The following CSNK1D variants were observed in gnomAD, a reference collection of about 807,000 sequenced individuals.
The protein encoded by CSNK1D is casein kinase I isoform delta.
Under a neutral mutation model 46.6 loss-of-function variants are expected in CSNK1D, and 16 were observed. The observed-to-expected ratio is 0.34, with a 90% CI of 0.23 to 0.52. The LOEUF (loss-of-function observed/expected upper bound fraction) is 0.52, where lower values mean the gene tolerates loss of function less well. CSNK1D is among the 20% of genes least tolerant of loss of function. The pLI, the probability that CSNK1D is intolerant of heterozygous loss-of-function variation, is 0.95. For missense variants in CSNK1D, 398 were observed against 578.4 expected (o/e 0.69, Z 3.20); for synonymous variants, 276 against 228.2 (o/e 1.21, Z -1.89).
intron 8 of CSNK1D, chr17:82,245,333 C>T (rs1015680825): frequency 1.5e-5 from 4 of 266,296 alleles, no homozygotes; most frequent in East Asian, 9.7e-5. Context: ...ACAGCGTGGA[C>T]GCCGGCCATG....
chr17:82,270,015 T>G (rs1293831338), intron 1 of CSNK1D, among the ~76,000 whole-genome samples: 1 of 152,178 alleles, frequency 6.6e-6, no homozygotes, highest in Non-Finnish European at 1.5e-5. Flanking sequence ...CGGGGCCAGG[T>G]CACACAACAG....
At chr17:82,253,569 G>C (rs1009946883) in intron 3 of CSNK1D, 22 of 384,122 alleles carry the variant, frequency 5.7e-5, no homozygotes, top group South Asian at 4.2e-4. Context: ...CTACACACCA[G>C]GATTAGCAGA....
Position 82,250,578 on chromosome 17 carries a change from T to A in CSNK1D, c.885+801A>T. 2 of 215,334 alleles carry A rather than the reference T, an allele frequency of 9.3e-6. No individual in the cohort carries two copies. Among genetic ancestry groups the A allele is most frequent in the Non-Finnish European group, 1.9e-5 (2 of 103,042 alleles). The allele number at this position is 215,334 out of a possible 1,614,324, so 13.3% of individuals were successfully genotyped here. On this transcript the variant is annotated intron_variant, in intron 6 of 8. Coordinates refer to ENST00000314028, the MANE Select transcript of CSNK1D (RefSeq NM_001893.6). The surrounding 1 kb of genome is among the most constrained non-coding windows in gnomAD (Gnocchi z 4.6). ...CCATCTCTCCGGGGCCTCCAAGTAC[T>A]CCCCACGCTGATGGGCACTTGGCAA...
At position 82,252,918 on chromosome 17, in the gene CSNK1D, G is replaced by C. The variant is rs1421785867; in HGVS notation, c.565+98C>G. 8.8e-7 allele frequency: 1 copy of C among 1,135,504 alleles called. No individual in the cohort carries two copies. Among genetic ancestry groups the C allele is most frequent in the African/African-American group, 1.5e-5 (1 of 65,326 alleles). The allele number at this position is 1,135,504 out of a possible 1,614,324, so 70.3% of individuals were successfully genotyped here. A position where few individuals can be genotyped will look rare whatever the true frequency, so the allele number is the denominator to read the frequency against. On this transcript the variant is annotated intron_variant, in intron 4 of 8. Coordinates refer to ENST00000314028, the MANE Select transcript of CSNK1D (RefSeq NM_001893.6). The surrounding 1 kb of genome is among the most constrained non-coding windows in gnomAD (Gnocchi z 4.6). ...GCCGCAAAGGTCTGATGACACGCTT[G>C]CAGCCCCAGCTCCCCGAGAGGCTGG...
chr17:82,248,014 GA>G lies in CSNK1D; in HGVS notation c.1197+860del, dbSNP rs775352799. 2.1e-5 allele frequency: 21 copies of G among 985,390 alleles called. No homozygotes were observed. Among genetic ancestry groups the G allele is most frequent in the Non-Finnish European group, 2.4e-5 (20 of 829,954 alleles). 61.0% of individuals were successfully genotyped at this position (985,390 alleles called of 1,614,324 possible). ...GGCAGCAGGCCTGGCTCCATCCTGT[GA>G]TCCCAACAAACACCTCCCCACAAGC... On this transcript the variant is annotated intron_variant, in intron 8 of 8. Coordinates refer to ENST00000314028, the MANE Select transcript of CSNK1D (RefSeq NM_001893.6). The surrounding 1 kb of genome is among the most constrained non-coding windows in gnomAD (Gnocchi z 4.1).
Position 82,248,035 on chromosome 17 carries a change from AC to A in CSNK1D, c.1197+839del. 1.0e-6 allele frequency: 1 copy of A among 985,258 alleles called. No homozygotes were observed. The highest frequency in any genetic ancestry group is 1.2e-6 in the Non-Finnish European group (1 of 829,916). 61.0% of individuals were successfully genotyped at this position (985,258 alleles called of 1,614,324 possible). A position where few individuals can be genotyped will look rare whatever the true frequency, so the allele number is the denominator to read the frequency against. On this transcript the variant is annotated intron_variant, in intron 8 of 8. Transcript: ENST00000314028. The surrounding 1 kb of genome is among the most constrained non-coding windows in gnomAD (Gnocchi z 4.1). ...CTGTGATCCCAACAAACACCTCCCCACAAGCCCAGAGCCAGGCTCCAGGGCA... is the reference window on the plus strand; with the variant it reads ...CTGTGATCCCAACAAACACCTCCCCAAAGCCCAGAGCCAGGCTCCAGGGCA...
At chr17:82,267,710 C>G (rs142330738) in intron 1 of CSNK1D, among the ~76,000 whole-genome samples, 1 of 152,344 alleles carries the variant, frequency 6.6e-6, no homozygotes, top group Non-Finnish European at 1.5e-5. Context: ...GACCTGGACT[C>G]TGAACTCAAC....
Position 82,250,476 on chromosome 17 carries a change from G to A in CSNK1D, c.886-874C>T, listed in dbSNP as rs935836878. On this transcript the variant is annotated intron_variant, in intron 6 of 8. Coordinates refer to ENST00000314028, the MANE Select transcript of CSNK1D (RefSeq NM_001893.6). This position sits in a 1 kb window ranked among gnomAD's most constrained non-coding sequence, Gnocchi z 4.6. ...ATTCCTCCCGAGGCAGCACAGCCCC[G>A]GCAGAGGGACTGATCTGCCCTGCCG... 8 of 322,646 alleles carry A rather than the reference G, an allele frequency of 2.5e-5. No homozygotes were observed. The highest frequency in any genetic ancestry group is 9.4e-5 in the South Asian group (4 of 42,604). 20.0% of individuals were successfully genotyped at this position (322,646 alleles called of 1,614,324 possible).
At chr17:82,266,226 C>G (rs986698600) in intron 1 of CSNK1D, among the ~76,000 whole-genome samples, 1 of 152,198 alleles carries the variant, frequency 6.6e-6, no homozygotes, top group African/African-American at 2.4e-5. Context: ...TTTGAGTTTC[C>G]CCCTGAGGAA....
Position 82,247,619 on chromosome 17 carries a change from C to T in CSNK1D, c.1197+1256G>A, listed in dbSNP as rs1044559122. Reference sequence around the variant, plus strand: ...ACACGAGGGCACGGGCAGACCCTCCCGGGAACTGCTCACAGGAACTGATGC... The same window carrying T: ...ACACGAGGGCACGGGCAGACCCTCCTGGGAACTGCTCACAGGAACTGATGC... On this transcript the variant is annotated intron_variant, in intron 8 of 8. Transcript: ENST00000314028. 18 of 985,302 alleles carry T rather than the reference C, an allele frequency of 1.8e-5. No homozygotes were observed. In the African/African-American group the frequency reaches 2.1e-4, roughly 11 times the overall value. The allele number at this position is 985,302 out of a possible 1,614,324, so 61.0% of individuals were successfully genotyped here. A position where few individuals can be genotyped will look rare whatever the true frequency, so the allele number is the denominator to read the frequency against.
At chr17:82,239,898 G>T, downstream of CSNK1D, 3 of 881,176 alleles carry the variant, frequency 3.4e-6, no homozygotes, top group African/African-American at 1.7e-5. Flanking sequence ...GCTTGTCCTG[G>T]ACACCTAACA....
intron 8 of CSNK1D, chr17:82,246,333 G>T: frequency 7.6e-7 from 1 of 1,316,600 alleles, no homozygotes; most frequent in South Asian, 1.5e-5. Context: ...CCAGCAGGAT[G>T]GCAGGTGCTG....
At chr17:82,245,050 A>G in intron 8 of CSNK1D, 2 of 649,462 alleles carry the variant, frequency 3.1e-6, no homozygotes, top group Admixed American at 2.5e-5. Context: ...AGAGGCATGC[A>G]AGCAAGGTGC....
rs1381276684 is a variant in CSNK1D at position 82,252,162 on chromosome 17, T to C, written c.736+272A>G. ...TGCCTGTCCATCCCTTTCCAGCCACTTGGGGCCCTGAGGCTCGGGCCTGCC... is the reference window on the plus strand; with the variant it reads ...TGCCTGTCCATCCCTTTCCAGCCACCTGGGGCCCTGAGGCTCGGGCCTGCC... On this transcript the variant is annotated intron_variant, in intron 5 of 8. Transcript: ENST00000314028. This position sits in a 1 kb window ranked among gnomAD's most constrained non-coding sequence, Gnocchi z 4.6. Among the ~76,000 whole-genome samples the C allele has an allele frequency of 2.0e-5, 3 of 152,214 alleles. No individual in the cohort carries two copies. The East Asian group carries it at 5.8e-4, about 29-fold the overall frequency.
chr17:82,273,636 G>C lies in CSNK1D; in HGVS notation c.-255C>G. 1.8e-6 allele frequency: 1 copy of C among 550,756 alleles called. No individual in the cohort carries two copies. Among genetic ancestry groups the C allele is most frequent in the Non-Finnish European group, 3.2e-6 (1 of 314,714 alleles). 34.1% of individuals were successfully genotyped at this position (550,756 alleles called of 1,614,324 possible). A position where few individuals can be genotyped will look rare whatever the true frequency, so the allele number is the denominator to read the frequency against. On this transcript the variant is annotated 5_prime_UTR_variant, in exon 1 of 9. Transcript: ENST00000314028. The surrounding 1 kb of genome is among the most constrained non-coding windows in gnomAD (Gnocchi z 5.1). ...GCTTGCCCTCTCCCCGCCGCGGATG[G>C]ACTCGGATCTTCCGGGCCTAAATCC...
At position 82,273,460 on chromosome 17, in the gene CSNK1D, C is replaced by T. The variant is rs1463600873; in HGVS notation, c.-79G>A. ...CTCTGGGAGGCGGCGCCGCTGCTGC[C>T]GCTACTGCGGGTCCGGCTCCCGGCT... On this transcript the variant is annotated 5_prime_UTR_variant, in exon 1 of 9. Transcript: ENST00000314028. The surrounding 1 kb of genome is among the most constrained non-coding windows in gnomAD (Gnocchi z 5.1). 2 of 1,558,226 alleles carry T rather than the reference C, an allele frequency of 1.3e-6. No homozygotes were observed. The highest frequency in any genetic ancestry group is 1.7e-6 in the Non-Finnish European group (2 of 1,145,444).
At chr17:82,265,385 G>C in intron 2 of CSNK1D, 1 of 393,328 alleles carries the variant, frequency 2.5e-6, no homozygotes, top group South Asian at 2.1e-5. Flanking sequence ...CACTACGTTG[G>C]CCAGGCTAGT....
intron 1 of CSNK1D, among the ~76,000 whole-genome samples, chr17:82,269,516 T>C (rs548516108): frequency 6.6e-6 from 1 of 152,342 alleles, no homozygotes; most frequent in South Asian, 2.1e-4. Flanking sequence ...GAAAAACGTG[T>C]GCTTCAGAGA....
At chr17:82,257,507 C>T (rs2051202401) in intron 2 of CSNK1D, among the ~76,000 whole-genome samples, 1 of 152,226 alleles carries the variant, frequency 6.6e-6, no homozygotes, top group Non-Finnish European at 1.5e-5. Flanking sequence ...TTCGCCCTCA[C>T]ACCTTAAGTA....
Sources: allele counts gnomAD v4.1 joint callset (sites outside exome capture counted in the v4.1 genomes callset), GRCh38; gene constraint gnomAD v4.1.1; non-coding constraint Gnocchi (gnomAD v3.1); transcripts MANE v1.5; gene names NCBI Gene and HGNC (gene_info 2026-07-23, HGNC 2026-07-21).